DEPTOR: variants seen among roughly 807,000 people sequenced by gnomAD.
DEPTOR encodes the protein DEP domain containing MTOR interacting protein.
A neutral mutation model predicts 41.6 loss-of-function variants in DEPTOR; 41 were observed. That is an observed-to-expected ratio of 0.98 (90% CI 0.77 to 1.28). DEPTOR has a LOEUF of 1.28. DEPTOR is among the 50% of genes most tolerant of loss of function. The pLI is 0.00. For synonymous variants in DEPTOR, 195 were observed against 192.3 expected (o/e 1.01, Z -0.12); for missense variants, 514 against 527.9 (o/e 0.97, Z 0.26).
chr8:119,900,350 A>C (rs1167946510), intron 1 of DEPTOR, among the ~76,000 whole-genome samples: 12 of 100,058 alleles, frequency 1.2e-4, no homozygotes, highest in Admixed American at 2.8e-4. Context: ...AAAAAAAAAA[A>C]AAACTAAATG....
Position 119,876,724 on chromosome 8 carries a change from G to A in DEPTOR, c.122+2756G>A, listed in dbSNP as rs78428872. ...GAGGATTAGATGAGTTGCGCTTAGG[G>A]TAGTTTCTGATAGATATGTAGTAAG... On this transcript the variant is annotated intron_variant, in intron 1 of 8. Coordinates refer to ENST00000286234, the MANE Select transcript of DEPTOR (RefSeq NM_022783.4). Among the ~76,000 whole-genome samples, 153 of 152,162 alleles carry A rather than the reference G, an allele frequency of 1.0e-3. 2 individuals are homozygous for A. The East Asian group carries it at 0.025, about 25-fold the overall frequency.
rs552545824 is a variant in DEPTOR at position 120,026,789 on chromosome 8, T to C, written c.1101+17656T>C. Among the ~76,000 whole-genome samples, 3 of 152,350 alleles carry C rather than the reference T, an allele frequency of 2.0e-5. No homozygotes were observed. In the South Asian group the frequency reaches 6.2e-4, roughly 32 times the overall value. ...TATGAAATAGACTCACTTCAGGGCT[T>C]GGCCCATCGGGCACTCATAATATAA... is the stretch of plus-strand genomic sequence containing the variant. On this transcript the variant is annotated intron_variant, in intron 8 of 8. Transcript: ENST00000286234.
chr8:120,039,814 C>T (rs1393718417), intron 8 of DEPTOR, among the ~76,000 whole-genome samples: 1 of 152,116 alleles, frequency 6.6e-6, no homozygotes, highest in African/African-American at 2.4e-5. Flanking sequence ...ATGAAACAGA[C>T]TTTCATCAAG....
rs199622297 is a variant in DEPTOR, at chr8:119,965,420, T to C, written c.604+10T>C. On this transcript the variant is annotated intron_variant, in intron 4 of 8. Coordinates refer to ENST00000286234, the MANE Select transcript of DEPTOR (RefSeq NM_022783.4). ...GGCATCATCCAGCATGGTGAGCGTA[T>C]TGGGCAGCTTTTGCTGCAGGAACAA... is the stretch of plus-strand genomic sequence containing the variant. 1.9e-6 allele frequency: 3 copies of C among 1,607,958 alleles called. No homozygotes were observed. The highest frequency in any genetic ancestry group is 2.5e-6 in the Non-Finnish European group (3 of 1,177,462).
At chr8:119,877,603 G>A (rs1827245607) in intron 1 of DEPTOR, among the ~76,000 whole-genome samples, 1 of 152,204 alleles carries the variant, frequency 6.6e-6, no homozygotes, top group Non-Finnish European at 1.5e-5. Context: ...AGATGAGGTA[G>A]AGGTGATAAG....
At chr8:120,002,069 G>A (rs1197704700) in intron 5 of DEPTOR, among the ~76,000 whole-genome samples, 3 of 152,102 alleles carry the variant, frequency 2.0e-5, no homozygotes, top group African/African-American at 7.2e-5. Flanking sequence ...AGGAGTTTGA[G>A]ACTAGGCTGA....
chr8:119,900,345 A>G (rs1368747683), intron 1 of DEPTOR, among the ~76,000 whole-genome samples: 3 of 105,528 alleles, frequency 2.8e-5, no homozygotes, highest in Non-Finnish European at 4.2e-5. Flanking sequence ...AAAGAAAAAA[A>G]AAAAAAAACT....
chr8:119,875,713 G>GA (rs1481931654), intron 1 of DEPTOR, among the ~76,000 whole-genome samples: 1 of 152,172 alleles, frequency 6.6e-6, no homozygotes, highest in Admixed American at 6.5e-5. Flanking sequence ...GGGGAATAGT[G>GA]AAAAAGGCAT....
Position 120,013,970 on chromosome 8 carries a change from G to T in DEPTOR, c.1101+4837G>T, listed in dbSNP as rs141703750. Among the ~76,000 whole-genome samples, 352 of 152,082 alleles carry T rather than the reference G, an allele frequency of 2.3e-3. 1 individual carries two copies. The highest frequency in any genetic ancestry group is 7.9e-3 in the African/African-American group (326 of 41,482). On this transcript the variant is annotated intron_variant, in intron 8 of 8. Transcript: ENST00000286234. ...TTCTCCTGCCTCAGCCTCCCGAGTAGCTGGGATTACAGGCGTGCCACTATG... is the reference window on the plus strand; with the variant it reads ...TTCTCCTGCCTCAGCCTCCCGAGTATCTGGGATTACAGGCGTGCCACTATG...
intron 1 of DEPTOR, among the ~76,000 whole-genome samples, chr8:119,897,269 C>G (rs1827532205): frequency 6.6e-6 from 1 of 152,018 alleles, no homozygotes; most frequent in Non-Finnish European, 1.5e-5. Context: ...GAGCGGTGGC[C>G]CACACCTGTA....
intron 8 of DEPTOR, among the ~76,000 whole-genome samples, chr8:120,026,808 A>T (rs762686245): frequency 8.5e-5 from 13 of 152,216 alleles, no homozygotes; most frequent in Non-Finnish European, 1.9e-4. Context: ...GGGCACTCAT[A>T]ATATAAATTT....
At chr8:119,908,070 A>G (rs1170169489) in intron 1 of DEPTOR, among the ~76,000 whole-genome samples, 1 of 152,160 alleles carries the variant, frequency 6.6e-6, no homozygotes, top group Non-Finnish European at 1.5e-5. Flanking sequence ...TTTCAACCCC[A>G]CCCACCAACC....
At chr8:119,879,287 C>A (rs1032156504) in intron 1 of DEPTOR, among the ~76,000 whole-genome samples, 15 of 152,252 alleles carry the variant, frequency 9.9e-5, no homozygotes, top group African/African-American at 3.6e-4. Flanking sequence ...TTGGCAGCTC[C>A]TCAAATATTA....
chr8:119,940,970 G>A (rs1828195743), intron 3 of DEPTOR, among the ~76,000 whole-genome samples: 1 of 152,200 alleles, frequency 6.6e-6, no homozygotes, highest in East Asian at 1.9e-4. Context: ...GGGAGTCATT[G>A]TTTAATGGGT....
chr8:119,906,702 A>G (rs1208922130), intron 1 of DEPTOR, among the ~76,000 whole-genome samples: 1 of 152,154 alleles, frequency 6.6e-6, no homozygotes, highest in Non-Finnish European at 1.5e-5. Context: ...CCATAAGCCT[A>G]AAGTGATGGC....
At chr8:119,921,804 A>G (rs1827899716) in intron 1 of DEPTOR, among the ~76,000 whole-genome samples, 1 of 145,906 alleles carries the variant, frequency 6.9e-6, no homozygotes, top group Non-Finnish European at 1.5e-5. Flanking sequence ...TCTGTCACCC[A>G]GGCTGGAATG....
At chr8:119,874,348 G>T in intron 1 of DEPTOR, 1 of 267,578 alleles carries the variant, frequency 3.7e-6, no homozygotes, top group Non-Finnish European at 7.1e-6. Flanking sequence ...GAGCAAGAGG[G>T]GTCGCTGTGG....
At chr8:119,900,366 T>C (rs1313124041) in intron 1 of DEPTOR, among the ~76,000 whole-genome samples, 1 of 130,954 alleles carries the variant, frequency 7.6e-6, no homozygotes, top group East Asian at 2.5e-4. Context: ...AAATGTCTAT[T>C]ACACACCCCT....
intron 4 of DEPTOR, among the ~76,000 whole-genome samples, chr8:119,995,912 T>C (rs938298881): frequency 4.6e-5 from 7 of 152,196 alleles, no homozygotes; most frequent in African/African-American, 1.7e-4. Flanking sequence ...TGTGATTATA[T>C]ATATTAAACC....
Sources: gnomAD v4.1 joint callset for allele counts (sites outside exome capture counted in the v4.1 genomes callset) on GRCh38, gnomAD v4.1.1 for gene constraint, MANE v1.5 for transcripts, NCBI Gene and HGNC (gene_info 2026-07-23, HGNC 2026-07-21) for gene names.